Variants in KDM4B observed in about 807,000 individuals in gnomAD.
KDM4B encodes the protein lysine demethylase 4B, also known as lysine-specific demethylase 4B.
In KDM4B, 32 loss-of-function variants were observed where a neutral mutation model predicts 125.2. The observed-to-expected ratio is 0.26, with a 90% CI of 0.19 to 0.34. KDM4B has a LOEUF of 0.34. Among genes scored for constraint, KDM4B ranks in the 10% least tolerant of loss-of-function variants. KDM4B has a pLI of 1.00. For missense variants in KDM4B, 1,190 were observed against 1,577.7 expected, an observed-to-expected ratio of 0.75 and a Z score of 4.16; for synonymous variants, 721 against 677.9, an observed-to-expected ratio of 1.06 and a Z score of -0.99.
chr19:5,100,716 C>T (rs2038914382), intron 9 of KDM4B, among the ~76,000 whole-genome samples: 1 of 152,172 alleles, frequency 6.6e-6, no homozygotes, highest in African/African-American at 2.4e-5. Flanking sequence ...CACTTGGCCT[C>T]TTTGTCTTTT....
At chr19:4,981,357 C>T (rs1238791231) in intron 1 of KDM4B, among the ~76,000 whole-genome samples, 2 of 152,144 alleles carry the variant, frequency 1.3e-5, no homozygotes, top group African/African-American at 2.4e-5. Flanking sequence ...TTAGCTGTGC[C>T]GGCCTCCCTG....
At chr19:5,119,148 G>C in intron 10 of KDM4B, 1 of 1,534,660 alleles carries the variant, frequency 6.5e-7, no homozygotes, top group South Asian at 1.2e-5. Context: ...ACAGACACTG[G>C]AGAAAGACTG....
chr19:5,093,283 G>A lies in KDM4B; in HGVS notation c.918+10779G>A, dbSNP rs145391958. Among the ~76,000 whole-genome samples the A allele has an allele frequency of 6.5e-4, 99 of 152,348 alleles. 1 individual carries two copies. Among genetic ancestry groups the A allele is most frequent in the African/African-American group, 2.1e-3 (86 of 41,586 alleles). ...CTACTTTCATTTAGGGAGGGCCAAA[G>A]GGGACATCGGAGCCTCCCCAGGCAC... On this transcript the variant is annotated intron_variant, in intron 9 of 22. Coordinates refer to ENST00000159111, the MANE Select transcript of KDM4B (RefSeq NM_015015.3).
chr19:5,059,496 C>T (rs1281444138), intron 6 of KDM4B, among the ~76,000 whole-genome samples: 2 of 152,360 alleles, frequency 1.3e-5, no homozygotes, highest in South Asian at 2.1e-4. Flanking sequence ...GAGCCCAGCC[C>T]GGGTCCCCGA....
chr19:5,066,347 G>A (rs561438097), intron 6 of KDM4B, among the ~76,000 whole-genome samples: 12 of 143,392 alleles, frequency 8.4e-5, no homozygotes, highest in South Asian at 7.7e-4. Flanking sequence ...CCCCTGTGCC[G>A]GGGTGTCCTT....
chr19:4,978,204 C>T (rs1048818271), intron 1 of KDM4B, among the ~76,000 whole-genome samples: 1 of 152,016 alleles, frequency 6.6e-6, no homozygotes, highest in Non-Finnish European at 1.5e-5. Context: ...CTCTTGACAC[C>T]CCTAGAACAT....
chr19:5,063,206 C>T (rs1423655638), intron 6 of KDM4B, among the ~76,000 whole-genome samples: 3 of 152,108 alleles, frequency 2.0e-5, no homozygotes, highest in African/African-American at 4.8e-5. Flanking sequence ...AATGTCTTTG[C>T]AACCTTGGAG....
In KDM4B at chr19:5,131,933, G is replaced by A; in HGVS notation, c.1832G>A (p.Arg611Gln). ...TTGAAGATGGAGATCAAGAAGAGCCGGCGCCATCCCCTGGGCCGGCCGCCC... is the reference window on the plus strand; with the variant it reads ...TTGAAGATGGAGATCAAGAAGAGCCAGCGCCATCCCCTGGGCCGGCCGCCC... ...SKLKMEIKKS[R>Q]RHPLGRPPTR... Residue 611 changes from arginine to glutamine, a missense_variant, in exon 13 of 23, where the codon CGG becomes CAG. Physicochemically the swap from Arg to Gln is conservative, Grantham distance 43. Transcript: ENST00000159111. 1.2e-6 allele frequency: 2 copies of A among 1,612,590 alleles called. No homozygotes were observed. Among genetic ancestry groups the A allele is most frequent in the Non-Finnish European group, 1.7e-6 (2 of 1,179,816 alleles).
chr19:5,136,683 G>A lies in KDM4B; in HGVS notation c.2309-579G>A, dbSNP rs866499380. Among the ~76,000 whole-genome samples, 103 of 152,256 alleles carry A rather than the reference G, an allele frequency of 6.8e-4. 1 individual carries two copies. Among genetic ancestry groups the A allele is most frequent in the South Asian group, 3.7e-3 (18 of 4,830 alleles). ...ACCCTGCTGCTCTGGAGGCAGTGAG[G>A]TCCCCGCCCCCAGCCTCTTCAGTGG... On this transcript the variant is annotated intron_variant, in intron 15 of 22. Transcript: ENST00000159111.
chr19:5,127,351 G>A (rs916687944), intron 11 of KDM4B, among the ~76,000 whole-genome samples: 3 of 152,194 alleles, frequency 2.0e-5, no homozygotes, highest in South Asian at 2.1e-4. Flanking sequence ...GGGGTGTGCC[G>A]CCGTCTTTCA....
At chr19:5,135,696 G>A in intron 15 of KDM4B, 135 bp downstream of exon 15, 2 of 716,882 alleles carry the variant, frequency 2.8e-6, no homozygotes, top group Non-Finnish European at 4.5e-6. Flanking sequence ...CAGGGCCAGG[G>A]CAGGGGCCTC....
intron 1 of KDM4B, among the ~76,000 whole-genome samples, chr19:5,003,638 G>A (rs1461967513): frequency 2.0e-5 from 3 of 151,822 alleles, no homozygotes; most frequent in Non-Finnish European, 2.9e-5. Context: ...GTGAAACCCC[G>A]TCTCTACTAA....
At chr19:5,030,991 C>T (rs1408513361) in intron 2 of KDM4B, among the ~76,000 whole-genome samples, 1 of 152,220 alleles carries the variant, frequency 6.6e-6, no homozygotes, top group Non-Finnish European at 1.5e-5. Flanking sequence ...TGACAGGTGC[C>T]TTGGCAGCTC....
intron 1 of KDM4B, among the ~76,000 whole-genome samples, chr19:4,990,187 G>C (rs1180754300): frequency 1.3e-5 from 2 of 152,160 alleles, no homozygotes; most frequent in African/African-American, 2.4e-5. Context: ...CTACTTGGGA[G>C]GCTGAGGCAG....
rs1022690119 is a variant in KDM4B at position 5,012,167 on chromosome 19, G to A, written c.-108-4090G>A. 2.6e-5 allele frequency among the ~76,000 whole-genome samples: 4 copies of A among 152,300 alleles called. No individual in the cohort carries two copies. The East Asian group carries it at 7.7e-4, about 29-fold the overall frequency. ...GCAGCAGGGTTGACAGGCTGGGCCCGTGGCAGGGTGCAGTCAAACCTAAGC... is the reference window on the plus strand; with the variant it reads ...GCAGCAGGGTTGACAGGCTGGGCCCATGGCAGGGTGCAGTCAAACCTAAGC... On this transcript the variant is annotated intron_variant, in intron 1 of 22. Coordinates refer to ENST00000159111, the MANE Select transcript of KDM4B (RefSeq NM_015015.3).
At chr19:5,085,962 G>T (rs2038479652) in intron 9 of KDM4B, among the ~76,000 whole-genome samples, 1 of 152,174 alleles carries the variant, frequency 6.6e-6, no homozygotes, top group Non-Finnish European at 1.5e-5. Flanking sequence ...CTCGGGCCTT[G>T]TTCAGATCTT....
In KDM4B at chr19:5,142,606, C is replaced by T. The variant is rs1346323704; in HGVS notation, c.2551-1361C>T. Among the ~76,000 whole-genome samples the T allele has an allele frequency of 4.6e-5, 7 of 152,050 alleles. No individual in the cohort carries two copies. The highest frequency in any genetic ancestry group is 7.2e-5 in the African/African-American group (3 of 41,408). On this transcript the variant is annotated intron_variant, in intron 18 of 22. Transcript: ENST00000159111. The surrounding 1 kb of genome is among the most constrained non-coding windows in gnomAD (Gnocchi z 5.4). ...AGGCCTGTGGGTGACGTGTTCAAGACGGCTCAGCAACCCCACCTGACAGTG... is the reference window on the plus strand; with the variant it reads ...AGGCCTGTGGGTGACGTGTTCAAGATGGCTCAGCAACCCCACCTGACAGTG...
rs1056511526 is a variant in KDM4B, at chr19:5,135,243, C to T, written c.2086-96C>T. On this transcript the variant is annotated intron_variant, in intron 14 of 22. Coordinates refer to ENST00000159111, the MANE Select transcript of KDM4B (RefSeq NM_015015.3). ...CTCCCCCTCCAGAGCCAGGGGGTGT[C>T]GAAGCCTGGGGCAGGTGCCCTGAGA... 20 of 792,814 alleles carry T rather than the reference C, an allele frequency of 2.5e-5. 1 individual carries two copies. Among genetic ancestry groups the T allele is most frequent in the South Asian group, 1.4e-4 (8 of 59,182 alleles). 49.1% of individuals were successfully genotyped at this position (792,814 alleles called of 1,614,324 possible).
At chr19:5,133,160 C>T (rs117624776) in intron 13 of KDM4B, among the ~76,000 whole-genome samples, 2,139 of 152,238 alleles carry the variant, frequency 0.014, 16 homozygotes, top group Middle Eastern at 0.031. Context: ...AGGGAGGGGA[C>T]GTGGGGAGAT....
Sources: allele counts gnomAD v4.1 joint callset (sites outside exome capture counted in the v4.1 genomes callset), GRCh38; gene constraint gnomAD v4.1.1; non-coding constraint Gnocchi (gnomAD v3.1); transcripts MANE v1.5; gene names NCBI Gene and HGNC (gene_info 2026-07-23, HGNC 2026-07-21).